NTN4: variants seen among roughly 807,000 people sequenced by gnomAD.
NTN4 encodes the protein netrin 4, also known as netrin-4.
Under a neutral mutation model 73.6 loss-of-function variants are expected in NTN4, and 32 were observed. The observed-to-expected ratio is 0.44, with a 90% CI of 0.33 to 0.58. The LOEUF is 0.58. NTN4 is among the 20% of genes least tolerant of loss of function. NTN4 has a pLI of 0.04. For missense variants in NTN4, 654 were observed against 798.3 expected, an observed-to-expected ratio of 0.82 and a Z score of 2.18; for synonymous variants, 258 against 287.5, an observed-to-expected ratio of 0.90 and a Z score of 1.04.
At chr12:95,703,808 T>A (rs1278494616) in intron 5 of NTN4, among the ~76,000 whole-genome samples, 1 of 152,242 alleles carries the variant, frequency 6.6e-6, no homozygotes, top group African/African-American at 2.4e-5. Flanking sequence ...AATAGAGATG[T>A]AAACCTTCGT....
chr12:95,706,203 A>C (rs563197647), intron 5 of NTN4, among the ~76,000 whole-genome samples: 12 of 152,322 alleles, frequency 7.9e-5, no homozygotes, highest in African/African-American at 2.2e-4. Flanking sequence ...TGAAGCTATG[A>C]GTATTCTAGG....
At chr12:95,693,131 G>C (rs1408745224) in intron 5 of NTN4, among the ~76,000 whole-genome samples, 12 of 152,156 alleles carry the variant, frequency 7.9e-5, no homozygotes, top group Admixed American at 4.6e-4. Flanking sequence ...AACTATGCTA[G>C]GGGCCGAAGA....
At chr12:95,741,412 T>TG in intron 2 of NTN4, among the ~76,000 whole-genome samples, 1 of 40,400 alleles carries the variant, frequency 2.5e-5, no homozygotes, top group Non-Finnish European at 7.3e-5. Flanking sequence ...ACCTATAATG[T>TG]AAATTATGTA....
At chr12:95,750,221 GC>G (rs1565906916) in intron 2 of NTN4, among the ~76,000 whole-genome samples, 5 of 131,668 alleles carry the variant, frequency 3.8e-5, no homozygotes, top group Middle Eastern at 3.8e-3. Context: ...TTATTTCCGT[GC>G]CCCGACCTCT....
rs59395729 is a variant in NTN4, at chr12:95,729,613, AAGAGAGAG to A, written c.864+8245_864+8252del. 3.5e-3 allele frequency among the ~76,000 whole-genome samples: 489 copies of A among 138,154 alleles called. 4 individuals are homozygous for A. Among genetic ancestry groups the A allele is most frequent in the African/African-American group, 0.012 (442 of 36,872 alleles). 90.6% of individuals were successfully genotyped at this position (138,154 alleles called of 152,430 possible). ...TTTTCCATCTTCTGGAATTATTATA[AAGAGAGAG>A]AGAGAGAGAGAGTGTGTGTGTGTGT... is the stretch of plus-strand genomic sequence containing the variant. On this transcript the variant is annotated intron_variant, in intron 3 of 9. Transcript: ENST00000343702.
At chr12:95,682,166 C>T (rs2078322273) in intron 7 of NTN4, among the ~76,000 whole-genome samples, 1 of 143,762 alleles carries the variant, frequency 7.0e-6, no homozygotes, top group Non-Finnish European at 1.5e-5. Context: ...AAGTGATCCT[C>T]CCACCTTAGC....
intron 3 of NTN4, 134 bp downstream of exon 3, chr12:95,737,732 A>G (rs1183058282): frequency 2.7e-6 from 2 of 745,394 alleles, no homozygotes; most frequent in East Asian, 5.2e-5. Flanking sequence ...ACTTTATAGG[A>G]TGAGTATGGA....
intron 2 of NTN4, among the ~76,000 whole-genome samples, chr12:95,747,223 A>G (rs1296930534): frequency 6.6e-6 from 1 of 152,248 alleles, no homozygotes; most frequent in Non-Finnish European, 1.5e-5. Flanking sequence ...CATTTATTCA[A>G]TAATTCTGTT....
intron 3 of NTN4, among the ~76,000 whole-genome samples, chr12:95,734,660 A>G (rs144712579): frequency 6.6e-6 from 1 of 152,360 alleles, no homozygotes; most frequent in African/African-American, 2.4e-5. Context: ...ATGTGGGACA[A>G]TTAATCTATG....
At chr12:95,783,325 G>A (rs746014068) in intron 2 of NTN4, among the ~76,000 whole-genome samples, 3 of 152,132 alleles carry the variant, frequency 2.0e-5, no homozygotes, top group Non-Finnish European at 4.4e-5. Context: ...GGGGATACAG[G>A]GTACATAATG....
At position 95,790,104 on chromosome 12, in the gene NTN4, C is replaced by CG; in HGVS notation, c.55+150dup. On this transcript the variant is annotated intron_variant, in intron 1 of 9. Transcript: ENST00000343702. This position sits in a 1 kb window ranked among gnomAD's most constrained non-coding sequence, Gnocchi z 6.5. ...AATAGTATTTGAAACTGCGGAGCCC[C>CG]GGGGAAAGGAGGCGGAACATGGCCA... 3.5e-6 allele frequency: 2 copies of CG among 578,514 alleles called. No homozygotes were observed. Among genetic ancestry groups the CG allele is most frequent in the Non-Finnish European group, 5.9e-6 (2 of 340,884 alleles). 35.8% of individuals were successfully genotyped at this position (578,514 alleles called of 1,614,324 possible). A position where few individuals can be genotyped will look rare whatever the true frequency, so the allele number is the denominator to read the frequency against.
chr12:95,788,861 T>C (rs1421245505), intron 1 of NTN4, among the ~76,000 whole-genome samples: 3 of 152,212 alleles, frequency 2.0e-5, no homozygotes, highest in Non-Finnish European at 4.4e-5. Flanking sequence ...TGTAAAAAAT[T>C]TCAAGGAAAA....
chr12:95,705,482 C>T (rs367995489), intron 5 of NTN4, among the ~76,000 whole-genome samples: 29 of 152,312 alleles, frequency 1.9e-4, no homozygotes, highest in African/African-American at 6.3e-4. Context: ...CTCACTCTTT[C>T]CTGTCTCTAT....
intron 2 of NTN4, among the ~76,000 whole-genome samples, chr12:95,744,198 C>T (rs975383131): frequency 6.6e-6 from 1 of 152,094 alleles, no homozygotes; most frequent in Admixed American, 6.6e-5. Flanking sequence ...CACCGTGCCC[C>T]GCCAACATGG....
At chr12:95,693,569 A>G (rs1309996645) in intron 5 of NTN4, among the ~76,000 whole-genome samples, 1 of 151,748 alleles carries the variant, frequency 6.6e-6, no homozygotes, top group Non-Finnish European at 1.5e-5. Flanking sequence ...CGTCTCTACT[A>G]AAAATACAAA....
At chr12:95,722,230 A>T (rs1011477338) in intron 3 of NTN4, among the ~76,000 whole-genome samples, 4 of 152,226 alleles carry the variant, frequency 2.6e-5, no homozygotes, top group African/African-American at 9.6e-5. Context: ...ACCCATCTGC[A>T]GGAAGGAAGG....
At chr12:95,710,380 G>T in intron 5 of NTN4, 61 bp downstream of exon 5, 5 of 1,374,000 alleles carry the variant, frequency 3.6e-6, no homozygotes, top group South Asian at 1.3e-5. Context: ...CAGAATGAGG[G>T]ATAAAGAGAT....
intron 2 of NTN4, among the ~76,000 whole-genome samples, chr12:95,740,797 C>T (rs2078818231): frequency 6.6e-6 from 1 of 152,030 alleles, no homozygotes; most frequent in Non-Finnish European, 1.5e-5. Context: ...AGTATTCTTC[C>T]AAGTCACTAA....
At chr12:95,673,479 C>T (rs1275268446) in intron 7 of NTN4, 1 of 172,008 alleles carries the variant, frequency 5.8e-6, no homozygotes, top group Non-Finnish European at 1.2e-5. Flanking sequence ...GTAGTCAGGC[C>T]ACTGCCTGGG....
Sources: gnomAD v4.1 joint callset for allele counts (sites outside exome capture counted in the v4.1 genomes callset) on GRCh38, gnomAD v4.1.1 for gene constraint, Gnocchi (gnomAD v3.1) non-coding constraint, MANE v1.5 for transcripts, NCBI Gene and HGNC (gene_info 2026-07-23, HGNC 2026-07-21) for gene names.